The following FRMD6 variants were observed in gnomAD, a reference collection of about 807,000 sequenced individuals.
FRMD6 encodes FERM domain-containing protein 6.
Under a neutral mutation model 73.2 loss-of-function variants are expected in FRMD6, and 37 were observed. The ratio of observed to expected loss-of-function variants is 0.51; its 90% CI spans 0.39 to 0.66. The LOEUF (loss-of-function observed/expected upper bound fraction) is 0.66, where lower values mean the gene tolerates loss of function less well. FRMD6 is among the 30% of genes least tolerant of loss of function. The pLI is 0.00. For synonymous variants in FRMD6, 273 were observed against 282.2 expected (o/e 0.97, Z 0.33); for missense variants, 714 against 780.5 (o/e 0.91, Z 1.02).
intron 1 of FRMD6, among the ~76,000 whole-genome samples, chr14:51,502,963 G>T (rs895199748): frequency 1.3e-5 from 2 of 152,138 alleles, no homozygotes; most frequent in Non-Finnish European, 2.9e-5. Flanking sequence ...TAGCAGTTGT[G>T]AATGGGAGTT....
At chr14:51,595,400 T>A (rs907286359) in intron 2 of FRMD6, among the ~76,000 whole-genome samples, 2 of 152,234 alleles carry the variant, frequency 1.3e-5, no homozygotes, top group African/African-American at 4.8e-5. Context: ...GGAAACAGGA[T>A]ACTCTGAAAT....
chr14:51,458,021 C>A, the FRMD6 span, among the ~76,000 whole-genome samples: 1 of 152,088 alleles, frequency 6.6e-6, no homozygotes, highest in Non-Finnish European at 1.5e-5. Context: ...GTTTATTAAC[C>A]TTTTTAAGGT....
At chr14:51,684,178 TCATAGTA>T (rs1300727371) in intron 1 of FRMD6, among the ~76,000 whole-genome samples, 1 of 151,038 alleles carries the variant, frequency 6.6e-6, no homozygotes, top group African/African-American at 2.4e-5. Flanking sequence ...AAAAAAACCC[TCATAGTA>T]CAGAGTATGC....
chr14:51,482,374 C>A, the FRMD6 span, among the ~76,000 whole-genome samples: 2 of 152,222 alleles, frequency 1.3e-5, no homozygotes, highest in African/African-American at 4.8e-5. Context: ...CACACACAGT[C>A]TCCAGCGCCA....
intron 1 of FRMD6, among the ~76,000 whole-genome samples, chr14:51,667,969 A>AT (rs1250874416): frequency 6.6e-6 from 1 of 152,220 alleles, no homozygotes; most frequent in Non-Finnish European, 1.5e-5. Flanking sequence ...TTCATGAAAT[A>AT]TAAGTTGTAG....
At chr14:51,636,111 G>GT in intron 2 of FRMD6, among the ~76,000 whole-genome samples, 1 of 152,324 alleles carries the variant, frequency 6.6e-6, no homozygotes, top group East Asian at 1.9e-4. Flanking sequence ...AGTTGCGTCT[G>GT]TGTCTTGGGC....
intron 1 of FRMD6, among the ~76,000 whole-genome samples, chr14:51,549,601 T>TTTTC: frequency 7.7e-6 from 1 of 129,778 alleles, no homozygotes; most frequent in Non-Finnish European, 1.7e-5. Flanking sequence ...CTTTCTTTTT[T>TTTTC]TTTTTTTTTT....
chr14:51,418,346 A>G, the FRMD6 span, among the ~76,000 whole-genome samples: 1 of 151,934 alleles, frequency 6.6e-6, no homozygotes, highest in Non-Finnish European at 1.5e-5. Flanking sequence ...TTTGGTGTGG[A>G]TGTCCTTTTT....
At chr14:51,553,443 C>T (rs941045273) in intron 1 of FRMD6, among the ~76,000 whole-genome samples, 2 of 152,130 alleles carry the variant, frequency 1.3e-5, no homozygotes, top group Admixed American at 1.3e-4. Flanking sequence ...ATTTAAAATG[C>T]TTTATGAGGG....
the FRMD6 span, among the ~76,000 whole-genome samples, chr14:51,408,247 C>T: frequency 6.6e-6 from 1 of 151,874 alleles, no homozygotes; most frequent in African/African-American, 2.4e-5. Flanking sequence ...GCCTCTACCT[C>T]CTCCTAAGCT....
chr14:51,496,623 G>C (rs1883309969), intron 1 of FRMD6, among the ~76,000 whole-genome samples: 1 of 152,174 alleles, frequency 6.6e-6, no homozygotes, highest in Admixed American at 6.5e-5. Context: ...CATTACTTCT[G>C]CCACATTCTA....
chr14:51,678,942 G>A (rs906535120), intron 1 of FRMD6, among the ~76,000 whole-genome samples: 1 of 152,118 alleles, frequency 6.6e-6, no homozygotes, highest in Non-Finnish European at 1.5e-5. Flanking sequence ...TCAGGGATCC[G>A]TGAGGAAAAG....
upstream of FRMD6, among the ~76,000 whole-genome samples, chr14:51,485,811 C>G (rs1882749904): frequency 6.6e-6 from 1 of 152,132 alleles, no homozygotes; most frequent in African/African-American, 2.4e-5. Context: ...TATTTTTCTA[C>G]CTAAGCGAAA....
At position 51,503,585 on chromosome 14, in the gene FRMD6, A is replaced by G. The variant is rs1459966340; in HGVS notation, c.-210+14165A>G. 2.6e-5 allele frequency among the ~76,000 whole-genome samples: 4 copies of G among 152,196 alleles called. No individual in the cohort carries two copies. The Middle Eastern group carries it at 0.01, about 391-fold the overall frequency. On this transcript the variant is annotated intron_variant, in intron 1 of 14. Coordinates refer to the FRMD6 transcript ENST00000356218. ...GATGAAGCCAACTTGATTGTGGTGG[A>G]TAAGCTTTTTAACATGCTGCTGGAT...
intron 1 of FRMD6, among the ~76,000 whole-genome samples, chr14:51,685,398 A>G (rs1375542278): frequency 1.3e-5 from 2 of 152,168 alleles, no homozygotes; most frequent in East Asian, 3.8e-4. Flanking sequence ...TTCATAGTAC[A>G]TGTCACCATC....
chr14:51,592,698 A>T (rs968226648), intron 2 of FRMD6, among the ~76,000 whole-genome samples: 2 of 152,218 alleles, frequency 1.3e-5, no homozygotes, highest in Admixed American at 6.5e-5. Flanking sequence ...TTTGGTTTCC[A>T]TCGTAACTGT....
chr14:51,721,753 A>AGGAGGGAATGAG (rs1555340789), intron 11 of FRMD6, among the ~76,000 whole-genome samples, 196 bp from the exon 12 acceptor site: 1 of 108,704 alleles, frequency 9.2e-6, no homozygotes, highest in African/African-American at 3.5e-5. Context: ...GAAGGGAGGA[A>AGGAGGGAATGAG]GGAAGGAGGG....
chr14:51,541,899 G>A (rs768793112), intron 1 of FRMD6, among the ~76,000 whole-genome samples: 1 of 151,978 alleles, frequency 6.6e-6, no homozygotes, highest in East Asian at 1.9e-4. Context: ...GAAGGTTAAT[G>A]TGTGATGTCC....
the FRMD6 span, among the ~76,000 whole-genome samples, chr14:51,431,251 G>A: frequency 6.6e-6 from 1 of 152,264 alleles, no homozygotes; most frequent in Non-Finnish European, 1.5e-5. Context: ...TTGCAAACAG[G>A]AAACTGGTCA....
Sources: allele counts gnomAD v4.1 joint callset (sites outside exome capture counted in the v4.1 genomes callset), GRCh38; gene constraint gnomAD v4.1.1; transcripts MANE v1.5; gene names NCBI Gene and HGNC (gene_info 2026-07-23, HGNC 2026-07-21).